The following FNDC3A variants were observed in gnomAD, a reference collection of about 807,000 sequenced individuals.
FNDC3A encodes fibronectin type III domain containing 3A.
Under a neutral mutation model 148.9 loss-of-function variants are expected in FNDC3A, and 32 were observed. The observed-to-expected ratio is 0.21, with a 90% CI of 0.16 to 0.29. The LOEUF (loss-of-function observed/expected upper bound fraction) is 0.29. Among genes scored for constraint, FNDC3A ranks in the 10% least tolerant of loss-of-function variants. FNDC3A has a pLI of 1.00. For missense variants in FNDC3A, 1,191 were observed against 1,452.8 expected, an observed-to-expected ratio of 0.82 and a Z score of 2.93; for synonymous variants, 472 against 473.6, an observed-to-expected ratio of 1.00 and a Z score of 0.04.
chr13:49,059,915 G>T (rs1876541549), intron 2 of FNDC3A, among the ~76,000 whole-genome samples: 1 of 152,194 alleles, frequency 6.6e-6, no homozygotes, highest in Middle Eastern at 3.2e-3. Flanking sequence ...CACAAGAAAA[G>T]ATGCTCAACA....
chr13:49,000,679 A>G (rs1376004091), intron 1 of FNDC3A, among the ~76,000 whole-genome samples: 1 of 152,184 alleles, frequency 6.6e-6, no homozygotes, highest in African/African-American at 2.4e-5. Flanking sequence ...GGACATTTTA[A>G]CAATATGAAA....
At chr13:49,128,212 C>T (rs1235476279) in intron 4 of FNDC3A, among the ~76,000 whole-genome samples, 5 of 152,156 alleles carry the variant, frequency 3.3e-5, no homozygotes, top group Non-Finnish European at 7.4e-5. Context: ...ATGTGGGTCA[C>T]TTCTCACCAT....
At chr13:49,066,633 A>G (rs538079038) in intron 2 of FNDC3A, among the ~76,000 whole-genome samples, 2 of 152,192 alleles carry the variant, frequency 1.3e-5, no homozygotes, top group Non-Finnish European at 2.9e-5. Flanking sequence ...GTGGTGAAGC[A>G]TATTGAAAGT....
At chr13:49,038,871 T>G (rs1259623574) in intron 2 of FNDC3A, among the ~76,000 whole-genome samples, 2 of 152,222 alleles carry the variant, frequency 1.3e-5, no homozygotes, top group African/African-American at 4.8e-5. Flanking sequence ...CTTTAATTTT[T>G]TTCTGTAATT....
intron 1 of FNDC3A, among the ~76,000 whole-genome samples, chr13:48,977,860 T>G (rs1355680657): frequency 1.3e-5 from 2 of 152,202 alleles, no homozygotes; most frequent in Non-Finnish European, 2.9e-5. Flanking sequence ...TCATAGATCA[T>G]CTGTTAGTTT....
chr13:49,081,466 G>T (rs1452264065), intron 3 of FNDC3A, among the ~76,000 whole-genome samples: 3 of 152,140 alleles, frequency 2.0e-5, no homozygotes, highest in African/African-American at 7.2e-5. Flanking sequence ...ACTTACTATT[G>T]TATCAGTCAG....
At chr13:49,072,202 A>G (rs1877740722) in intron 2 of FNDC3A, among the ~76,000 whole-genome samples, 1 of 152,074 alleles carries the variant, frequency 6.6e-6, no homozygotes, top group African/African-American at 2.4e-5. Context: ...ATATGTTGAA[A>G]TATGGAACTG....
At chr13:48,985,391 T>C (rs1333191966) in intron 1 of FNDC3A, among the ~76,000 whole-genome samples, 1 of 152,210 alleles carries the variant, frequency 6.6e-6, no homozygotes, top group East Asian at 1.9e-4. Flanking sequence ...AAGTTTTATT[T>C]CTATATGTCT....
chr13:49,037,643 A>G (rs890132962), intron 2 of FNDC3A, among the ~76,000 whole-genome samples: 4 of 152,166 alleles, frequency 2.6e-5, no homozygotes, highest in African/African-American at 9.7e-5. Context: ...TCAGAATGTA[A>G]CTGTATTTGG....
intron 2 of FNDC3A, among the ~76,000 whole-genome samples, chr13:49,069,044 C>T (rs918395321): frequency 6.6e-6 from 1 of 151,732 alleles, no homozygotes; most frequent in Non-Finnish European, 1.5e-5. Context: ...ACACGTGTAC[C>T]GTGAACCTAA....
intron 15 of FNDC3A, among the ~76,000 whole-genome samples, chr13:49,186,402 G>A (rs535221332): frequency 4.7e-4 from 72 of 152,246 alleles, no homozygotes; most frequent in South Asian, 1.4e-3. Flanking sequence ...TCTGGCTCTC[G>A]TAAGAAATGA....
At chr13:49,057,606 A>G (rs896620746) in intron 2 of FNDC3A, among the ~76,000 whole-genome samples, 1 of 152,286 alleles carries the variant, frequency 6.6e-6, no homozygotes, top group South Asian at 2.1e-4. Flanking sequence ...GTTGCCATTA[A>G]TAGAAGTTTC....
At chr13:49,110,999 A>G (rs1288805140) in intron 3 of FNDC3A, among the ~76,000 whole-genome samples, 1 of 152,168 alleles carries the variant, frequency 6.6e-6, no homozygotes, top group African/African-American at 2.4e-5. Context: ...ATTGGGGTAA[A>G]TCATGCTCAA....
intron 2 of FNDC3A, among the ~76,000 whole-genome samples, chr13:49,059,452 T>C (rs1876494789): frequency 6.6e-6 from 1 of 152,160 alleles, no homozygotes; most frequent in Non-Finnish European, 1.5e-5. Flanking sequence ...AACTGTTTTG[T>C]TTTTGTTGTT....
chr13:49,001,250 T>C (rs781576767), intron 1 of FNDC3A, among the ~76,000 whole-genome samples: 39 of 152,218 alleles, frequency 2.6e-4, no homozygotes, highest in African/African-American at 6.3e-4. Flanking sequence ...TAGACACTTA[T>C]CACTTCCCCA....
chr13:48,988,982 C>T (rs766083630), intron 1 of FNDC3A, among the ~76,000 whole-genome samples: 1 of 151,960 alleles, frequency 6.6e-6, no homozygotes, highest in Non-Finnish European at 1.5e-5. Context: ...GAGAAAGAGC[C>T]AACTAAAAAG....
intron 2 of FNDC3A, among the ~76,000 whole-genome samples, chr13:49,052,475 T>G (rs756603836): frequency 6.6e-6 from 1 of 152,296 alleles, no homozygotes; most frequent in East Asian, 1.9e-4. Flanking sequence ...GTGGAGGTAC[T>G]GGGCTCCAGA....
intron 3 of FNDC3A, among the ~76,000 whole-genome samples, chr13:49,103,414 A>G (rs1189021695): frequency 6.6e-6 from 1 of 152,242 alleles, no homozygotes; most frequent in Non-Finnish European, 1.5e-5. Context: ...GGCATCACCC[A>G]GTTCATGTGG....
intron 8 of FNDC3A, among the ~76,000 whole-genome samples, chr13:49,152,787 C>T (rs1451428549): frequency 2.1e-4 from 31 of 150,816 alleles, no homozygotes; most frequent in African/African-American, 5.9e-4. Flanking sequence ...TTTGTTCTTG[C>T]GATAGTTTAC....
Sources: allele counts gnomAD v4.1 joint callset (sites outside exome capture counted in the v4.1 genomes callset), GRCh38; gene constraint gnomAD v4.1.1; transcripts MANE v1.5; gene names NCBI Gene and HGNC (gene_info 2026-07-23, HGNC 2026-07-21).